GDF1: variants seen among roughly 807,000 people sequenced by gnomAD.
The protein encoded by GDF1 is embryonic growth/differentiation factor 1.
In GDF1, 8 loss-of-function variants were observed where a neutral mutation model predicts 7.4. That is an observed-to-expected ratio of 1.09 (90% CI 0.64 to 1.96). The LOEUF (loss-of-function observed/expected upper bound fraction) is 1.96. Among genes scored for constraint, GDF1 ranks in the 30% most tolerant of loss-of-function variants. The pLI, the probability that GDF1 is intolerant of heterozygous loss-of-function variation, is 0.00. For missense variants in GDF1, 574 were observed against 551.5 expected, an observed-to-expected ratio of 1.04 and a Z score of -0.41; for synonymous variants, 311 against 276.7, an observed-to-expected ratio of 1.12 and a Z score of -1.23.
rs773933484 is a variant in GDF1 at position 18,870,109 on chromosome 19, G to C, written c.199C>G (p.Arg67Gly). 6.4e-7 allele frequency: 1 copy of C among 1,568,686 alleles called. No homozygotes were observed. Among genetic ancestry groups the C allele is most frequent in the Non-Finnish European group, 8.6e-7 (1 of 1,162,126 alleles). Residue 67 changes from arginine (R) to glycine (G), a missense_variant, in exon 7 of 8, where the codon CGA becomes GGA. Arg to Gly is a moderately radical substitution (Grantham distance 125). Coordinates refer to ENST00000247005, the MANE Select transcript of GDF1 (RefSeq NM_001492.6). This position sits in a 1 kb window ranked among gnomAD's most constrained non-coding sequence, Gnocchi z 5.1. Reference sequence around the variant, plus strand: ...CTGGTCTCCTGGGGGTCCCGGCGTCGAAACAGGCGCCACATGACCGGGGGA... The same window carrying C: ...CTGGTCTCCTGGGGGTCCCGGCGTCCAAACAGGCGCCACATGACCGGGGGA... ...PVPPVMWRLF[R>G]RRDPQETRSG...
At chr19:18,872,998 T>C (rs2056002018) in intron 6 of GDF1, among the ~76,000 whole-genome samples, 1 of 152,156 alleles carries the variant, frequency 6.6e-6, no homozygotes, top group Non-Finnish European at 1.5e-5. Context: ...TCCACCACTG[T>C]GGTGAAAAGA....
chr19:18,885,983 C>T (rs1302981501), intron 2 of GDF1, among the ~76,000 whole-genome samples: 1 of 152,200 alleles, frequency 6.6e-6, no homozygotes, highest in Non-Finnish European at 1.5e-5. Context: ...CTCACCTTCC[C>T]CTCCTCCTGC....
In GDF1 at chr19:18,884,068, C is replaced by T. The variant is rs1236481461; in HGVS notation, c.-733+19G>A. ...TGTGGGCTGTGCCTCGGCCCCCTGCCACCCGATCCTGTCCTTACCGGAAGG... is the reference window on the plus strand; with the variant it reads ...TGTGGGCTGTGCCTCGGCCCCCTGCTACCCGATCCTGTCCTTACCGGAAGG... On this transcript the variant is annotated intron_variant, in intron 3 of 7. Transcript: ENST00000247005. 6.9e-6 allele frequency: 11 copies of T among 1,603,392 alleles called. No individual in the cohort carries two copies. The highest frequency in any genetic ancestry group is 9.4e-6 in the Non-Finnish European group (11 of 1,172,714).
chr19:18,884,258 G>A lies in GDF1; in HGVS notation c.-904C>T, dbSNP rs202201774. 2.9e-5 allele frequency: 46 copies of A among 1,611,688 alleles called. No homozygotes were observed. The highest frequency in any genetic ancestry group is 9.9e-5 in the South Asian group (9 of 90,840). On this transcript the variant is annotated 5_prime_UTR_variant, in exon 3 of 8. Coordinates refer to ENST00000247005, the MANE Select transcript of GDF1 (RefSeq NM_001492.6). The stretch of plus-strand genomic sequence containing the variant: ...AATGTCCCGTGGCACTGCCATGCCC[G>A]GCGTCCAGTCTGGGGAGAGCCAAAT...
At chr19:18,880,971 T>A (rs1285793115) in intron 3 of GDF1, among the ~76,000 whole-genome samples, 2 of 152,250 alleles carry the variant, frequency 1.3e-5, no homozygotes, top group South Asian at 2.1e-4. Context: ...AGTGCTGGGA[T>A]TACAGGCGCG....
intron 3 of GDF1, among the ~76,000 whole-genome samples, chr19:18,883,724 GC>G (rs763085351): frequency 2.0e-5 from 3 of 152,174 alleles, no homozygotes; most frequent in Non-Finnish European, 2.9e-5. Flanking sequence ...TCACAGCCAT[GC>G]CCCCATTGCT....
At position 18,880,342 on chromosome 19, in the gene GDF1, G is replaced by A. The variant is rs761091051; in HGVS notation, c.-639C>T. 1.9e-6 allele frequency: 3 copies of A among 1,558,720 alleles called. No individual in the cohort carries two copies. Among genetic ancestry groups the A allele is most frequent in the East Asian group, 2.4e-5 (1 of 41,622 alleles). ...CATGCAGCCGATGGTAGGAGCCGCC[G>A]CGGGACTTGAAGTAAATGTTGAGCT... On this transcript the variant is annotated 5_prime_UTR_variant, in exon 4 of 8. Transcript: ENST00000247005.
intron 2 of GDF1, among the ~76,000 whole-genome samples, chr19:18,884,565 G>A (rs1284565160): frequency 6.6e-6 from 1 of 151,874 alleles, no homozygotes; most frequent in African/African-American, 2.4e-5. Flanking sequence ...ATGCCACCAA[G>A]CCCGGCTAAT....
At chr19:18,892,701 G>A (rs756443743) in intron 2 of GDF1, among the ~76,000 whole-genome samples, 17 of 152,048 alleles carry the variant, frequency 1.1e-4, no homozygotes, top group African/African-American at 3.9e-4. Context: ...CCCATGAAAC[G>A]TGAGTGCCTC....
intron 6 of GDF1, among the ~76,000 whole-genome samples, chr19:18,875,556 A>G (rs542437281): frequency 3.9e-5 from 6 of 152,234 alleles, no homozygotes; most frequent in Admixed American, 6.5e-5. Flanking sequence ...AAAAAAAAAA[A>G]AAGAAGCTTT....
intron 7 of GDF1, 111 bp from the exon 8 acceptor site, chr19:18,869,501 T>C (rs1345332165): frequency 2.3e-5 from 29 of 1,252,988 alleles, no homozygotes; most frequent in Non-Finnish European, 2.9e-5. Flanking sequence ...GCGCACCGTC[T>C]GTGGGAAGGG....
intron 7 of GDF1, 145 bp downstream of exon 7, chr19:18,869,838 A>AGGTGC (rs1291562002): frequency 1.3e-6 from 1 of 742,804 alleles, no homozygotes; most frequent in African/African-American, 1.7e-5. Flanking sequence ...GGAAAGGGTG[A>AGGTGC]GGTGCGGTGG....
Position 18,869,151 on chromosome 19 carries a change from C to T in GDF1, c.565G>A (p.Ala189Thr), listed in dbSNP as rs2145986089. 1 of 1,125,146 alleles carries T rather than the reference C, an allele frequency of 8.9e-7. No homozygotes were observed. Among genetic ancestry groups the T allele is most frequent in the Non-Finnish European group, 1.1e-6 (1 of 919,026 alleles). The allele number at this position is 1,125,146 out of a possible 1,614,324, so 69.7% of individuals were successfully genotyped here. Reference sequence around the variant, plus strand: ...TCCGCGCGCACTGGCGGCCCCAGGGCGGGCACCAACTGGCGGAGCAGCACC... The same window carrying T: ...TCCGCGCGCACTGGCGGCCCCAGGGTGGGCACCAACTGGCGGAGCAGCACC... Reference protein sequence around the residue: ...GPVLLRQLVPALGPPVRAELL... With the variant: ...GPVLLRQLVPTLGPPVRAELL... Residue 189 changes from alanine to threonine, a missense_variant, in exon 8 of 8, where the codon GCC (alanine) becomes ACC (threonine). Coordinates refer to ENST00000247005, the MANE Select transcript of GDF1 (RefSeq NM_001492.6).
intron 2 of GDF1, among the ~76,000 whole-genome samples, chr19:18,891,461 CT>C (rs2056489365): frequency 6.6e-6 from 1 of 152,196 alleles, no homozygotes; most frequent in Non-Finnish European, 1.5e-5. Context: ...GCCCTGCATT[CT>C]CTGCCAGGAC....
chr19:18,882,293 C>G (rs1002124645), intron 3 of GDF1, among the ~76,000 whole-genome samples: 1 of 152,150 alleles, frequency 6.6e-6, no homozygotes, highest in Admixed American at 6.5e-5. Context: ...AGCCCTTGAA[C>G]TGTGGCTTGT....
At chr19:18,893,718 G>T in intron 1 of GDF1, 143 bp from the exon 2 acceptor site, 1 of 834,104 alleles carries the variant, frequency 1.2e-6, no homozygotes, top group Non-Finnish European at 1.8e-6. Context: ...GCCACCTGGA[G>T]CATAAACAGA....
chr19:18,889,747 C>G (rs1488197648), intron 2 of GDF1, among the ~76,000 whole-genome samples: 1 of 152,022 alleles, frequency 6.6e-6, no homozygotes, highest in Non-Finnish European at 1.5e-5. Context: ...CCTCTTCATA[C>G]TCATATCCCA....
At position 18,870,938 on chromosome 19, in the gene GDF1, C is replaced by T. The variant is rs1023543669; in HGVS notation, c.-312-319G>A. ...CCGCTGGAGGGCAAAACCCACGTAC[C>T]GGCCTGGGCCTGACAACTCCACCGC... is the stretch of plus-strand genomic sequence containing the variant. On this transcript the variant is annotated intron_variant, in intron 6 of 7. Coordinates refer to ENST00000247005, the MANE Select transcript of GDF1 (RefSeq NM_001492.6). This position sits in a 1 kb window ranked among gnomAD's most constrained non-coding sequence, Gnocchi z 5.1. Among the ~76,000 whole-genome samples the T allele has an allele frequency of 3.9e-5, 6 of 152,180 alleles. No homozygotes were observed. The highest frequency in any genetic ancestry group is 4.1e-4 in the South Asian group (2 of 4,832).
intron 6 of GDF1, among the ~76,000 whole-genome samples, chr19:18,872,151 T>A (rs1015298044): frequency 6.6e-6 from 1 of 152,236 alleles, no homozygotes; most frequent in Non-Finnish European, 1.5e-5. Flanking sequence ...TGGTAAAGTT[T>A]AGCATCCTCG....
Sources: allele counts gnomAD v4.1 joint callset (sites outside exome capture counted in the v4.1 genomes callset), GRCh38; gene constraint gnomAD v4.1.1; non-coding constraint Gnocchi (gnomAD v3.1); transcripts MANE v1.5; gene names NCBI Gene and HGNC (gene_info 2026-07-23, HGNC 2026-07-21).